The following FGGY variants were observed in gnomAD, a reference collection of about 807,000 sequenced individuals.
The protein encoded by FGGY is FGGY carbohydrate kinase domain containing, also known as FGGY carbohydrate kinase domain-containing protein.
A neutral mutation model predicts 71.3 loss-of-function variants in FGGY; 72 were observed. The observed-to-expected ratio is 1.01, with a 90% CI of 0.84 to 1.23. FGGY has a LOEUF of 1.23. Among genes scored for constraint, FGGY ranks in the 50% most tolerant of loss-of-function variants. The pLI is 0.00. For missense variants in FGGY, 668 were observed against 682.3 expected (o/e 0.98, Z 0.23); for synonymous variants, 251 against 250.3 (o/e 1.00, Z -0.02).
In FGGY at chr1:59,340,184, G is replaced by T; in HGVS notation, c.313+115G>T. On this transcript the variant is annotated intron_variant, in intron 3 of 15. Transcript: ENST00000303721. ...TTGCTGCTGATAGTAAAATTTAGAG[G>T]TAGAGTGAAGTGACACAGATCATGT... 8 of 674,940 alleles carry T rather than the reference G, an allele frequency of 1.2e-5. No homozygotes were observed. In the South Asian group the frequency reaches 1.5e-4, roughly 13 times the overall value. 41.8% of individuals were successfully genotyped at this position (674,940 alleles called of 1,614,324 possible). A position where few individuals can be genotyped will look rare whatever the true frequency, so the allele number is the denominator to read the frequency against.
chr1:59,538,332 A>T (rs1315135840), intron 7 of FGGY, among the ~76,000 whole-genome samples: 1 of 151,172 alleles, frequency 6.6e-6, no homozygotes, highest in African/African-American at 2.4e-5. Flanking sequence ...ATCATTAAAA[A>T]GTCAGGAAAC....
At chr1:59,418,569 C>G (rs1361034210) in intron 5 of FGGY, among the ~76,000 whole-genome samples, 1 of 152,170 alleles carries the variant, frequency 6.6e-6, no homozygotes, top group East Asian at 1.9e-4. Flanking sequence ...TTAGTGCTCA[C>G]CAAATCCACA....
chr1:59,528,567 T>C (rs2095055816), intron 7 of FGGY, among the ~76,000 whole-genome samples: 1 of 152,210 alleles, frequency 6.6e-6, no homozygotes, highest in African/African-American at 2.4e-5. Flanking sequence ...TAGGGAAAGC[T>C]AAGCCTCTTC....
At chr1:59,698,412 A>ACTACAGATGCTTCTTCACACTCCC (rs2097681212) in intron 14 of FGGY, among the ~76,000 whole-genome samples, 1 of 151,970 alleles carries the variant, frequency 6.6e-6, no homozygotes, top group Admixed American at 6.6e-5. Flanking sequence ...GCCCAGAAAA[A>ACTACAGATGCTTCTTCACACTCCC]CTACAGATGC....
chr1:59,342,771 T>C (rs964760059), intron 3 of FGGY, among the ~76,000 whole-genome samples: 1 of 152,172 alleles, frequency 6.6e-6, no homozygotes, highest in Non-Finnish European at 1.5e-5. Context: ...ACCCTAATCA[T>C]GCAGATAACC....
chr1:59,640,576 T>TACAAAGAAAACAGAAAA (rs1553360496), intron 11 of FGGY, among the ~76,000 whole-genome samples: 5 of 142,524 alleles, frequency 3.5e-5, no homozygotes, highest in African/African-American at 1.2e-4. Context: ...GCAAGATCCA[T>TACAAAGAAAACAGAAAA]GTACAATTTC....
chr1:59,646,945 A>G (rs1349722724), intron 11 of FGGY, among the ~76,000 whole-genome samples: 2 of 152,124 alleles, frequency 1.3e-5, no homozygotes, highest in Non-Finnish European at 1.5e-5. Context: ...TTTCATTTTA[A>G]TGACTTTTTA....
intron 5 of FGGY, among the ~76,000 whole-genome samples, chr1:59,404,057 G>T (rs2062377086): frequency 6.6e-6 from 1 of 152,170 alleles, no homozygotes; most frequent in South Asian, 2.1e-4. Flanking sequence ...TAGTCAAAAA[G>T]TAGAACCAAA....
At chr1:59,413,452 T>A (rs1400902532) in intron 5 of FGGY, among the ~76,000 whole-genome samples, 2 of 152,216 alleles carry the variant, frequency 1.3e-5, no homozygotes, top group Non-Finnish European at 2.9e-5. Context: ...TAAATGACAG[T>A]GACCTGACCT....
chr1:59,607,672 G>A, intron 8 of FGGY, 131 bp from the exon 9 acceptor site: 1 of 606,790 alleles, frequency 1.6e-6, no homozygotes, highest in African/African-American at 1.8e-5. Flanking sequence ...TCTTGGGAGA[G>A]AGTGACTTCC....
At chr1:59,566,717 T>A (rs978565256) in intron 8 of FGGY, among the ~76,000 whole-genome samples, 3 of 152,176 alleles carry the variant, frequency 2.0e-5, no homozygotes, top group Non-Finnish European at 4.4e-5. Context: ...AAGTCTTAAA[T>A]CCTAAATGAA....
chr1:59,567,145 G>T (rs560404975), intron 8 of FGGY, among the ~76,000 whole-genome samples: 1 of 152,144 alleles, frequency 6.6e-6, no homozygotes, highest in Non-Finnish European at 1.5e-5. Context: ...GAAAGGCTGG[G>T]CAGAGAAAGG....
intron 6 of FGGY, among the ~76,000 whole-genome samples, chr1:59,465,087 G>C (rs997148644): frequency 6.6e-6 from 1 of 152,216 alleles, no homozygotes; most frequent in African/African-American, 2.4e-5. Flanking sequence ...CAATATCCCT[G>C]ATGAACATCG....
rs921886315 is a variant in FGGY, at chr1:59,612,481, G to T, written c.1011+4571G>T. ...TGTCACCACCAGGCCTGCCCTAAAA[G>T]AGCTCCTGACGGAAGCACTAAACAT... On this transcript the variant is annotated intron_variant, in intron 9 of 15. Transcript: ENST00000303721. Among the ~76,000 whole-genome samples the T allele has an allele frequency of 7.0e-4, 107 of 152,232 alleles. 1 individual carries two copies. Among genetic ancestry groups the T allele is most frequent in the African/African-American group, 2.1e-3 (86 of 41,544 alleles).
intron 6 of FGGY, among the ~76,000 whole-genome samples, chr1:59,458,705 A>G (rs959580881): frequency 6.6e-6 from 1 of 152,322 alleles, no homozygotes; most frequent in East Asian, 1.9e-4. Context: ...TGGATTTCCT[A>G]AGGAGACATA....
At position 59,378,832 on chromosome 1, in the gene FGGY, A is replaced by G; in HGVS notation, c.549A>G (p.Thr183=). The G allele has an allele frequency of 6.2e-7, 1 of 1,612,386 alleles. No homozygotes were observed. Among genetic ancestry groups the G allele is most frequent in the Non-Finnish European group, 8.5e-7 (1 of 1,178,606 alleles). Residue 183 remains threonine, a synonymous_variant, in exon 5 of 16, where the codon ACA becomes ACG. Transcript: ENST00000303721. The part of the protein sequence containing the change: ...DFLSWKATGV[T]ARSLCSLVCK... The stretch of plus-strand genomic sequence containing the variant: ...TATCGTGGAAGGCAACAGGTGTCAC[A>G]GCACGGTATGTTAATTACAAGTTGG...
chr1:59,609,530 C>A (rs2096654750), intron 9 of FGGY, among the ~76,000 whole-genome samples: 2 of 152,144 alleles, frequency 1.3e-5, no homozygotes, highest in African/African-American at 4.8e-5. Context: ...AAGAGATTGG[C>A]AGGCTTCTGA....
chr1:59,732,654 A>AG (rs1276543934), intron 14 of FGGY, among the ~76,000 whole-genome samples: 26 of 151,912 alleles, frequency 1.7e-4, no homozygotes, highest in African/African-American at 5.6e-4. Flanking sequence ...GATAGAGGAA[A>AG]GGGGGGCAAG....
intron 6 of FGGY, 102 bp from the exon 7 acceptor site, chr1:59,512,209 G>A: frequency 7.9e-7 from 1 of 1,267,652 alleles, no homozygotes; most frequent in Non-Finnish European, 1.1e-6. Context: ...TGCAAATGCA[G>A]AGGAGGGAGG....
Sources: allele counts gnomAD v4.1 joint callset (sites outside exome capture counted in the v4.1 genomes callset), GRCh38; gene constraint gnomAD v4.1.1; transcripts MANE v1.5; gene names NCBI Gene and HGNC (gene_info 2026-07-23, HGNC 2026-07-21).